Variants in SYNJ2 observed in about 807,000 individuals in gnomAD.
SYNJ2 encodes the protein synaptojanin 2.
A neutral mutation model predicts 141.3 loss-of-function variants in SYNJ2; 116 were observed. The ratio of observed to expected loss-of-function variants is 0.82; its 90% CI spans 0.71 to 0.96. The LOEUF is 0.96. SYNJ2 is among the 40% of genes least tolerant of loss of function. SYNJ2 has a pLI of 0.00. For synonymous variants in SYNJ2, 745 were observed against 777.7 expected (o/e 0.96, Z 0.70); for missense variants, 1,873 against 1,934.8 (o/e 0.97, Z 0.60).
intron 16 of SYNJ2, among the ~76,000 whole-genome samples, chr6:158,076,174 C>T (rs898293959): frequency 1.3e-5 from 2 of 152,094 alleles, no homozygotes; most frequent in East Asian, 3.9e-4. Flanking sequence ...AGCAAAAGAG[C>T]GAGACCCCAG....
chr6:158,058,788 C>G (rs1781026277), intron 6 of SYNJ2, among the ~76,000 whole-genome samples: 1 of 152,136 alleles, frequency 6.6e-6, no homozygotes, highest in African/African-American at 2.4e-5. Flanking sequence ...TAAAAATTAG[C>G]CAGATGTGGT....
rs1250554068 is a variant in SYNJ2, at chr6:158,069,557, T to C, written c.1824T>C (p.Gly608=). The C allele has an allele frequency of 3.7e-6, 6 of 1,613,718 alleles. No homozygotes were observed. Among genetic ancestry groups the C allele is most frequent in the Non-Finnish European group, 5.1e-6 (6 of 1,179,818 alleles). Residue 608 remains glycine, a synonymous_variant, in exon 14 of 27, where the codon GGT becomes GGC. Coordinates refer to ENST00000355585, the MANE Select transcript of SYNJ2 (RefSeq NM_003898.4). ...NASTTNKKMW[G]EQLQKAISRS... is the part of the protein sequence containing the mutation. ...GTACTACCAACAAGAAGATGTGGGGTGAACAGCTTCAGAAAGCCATCTCAC... is the reference window on the plus strand; with the variant it reads ...GTACTACCAACAAGAAGATGTGGGGCGAACAGCTTCAGAAAGCCATCTCAC...
At chr6:158,049,009 TTAA>T (rs1780409086) in intron 5 of SYNJ2, among the ~76,000 whole-genome samples, 1 of 152,002 alleles carries the variant, frequency 6.6e-6, no homozygotes, top group South Asian at 2.1e-4. Context: ...TTGGGTAACC[TTAA>T]GTCTGGTAGG....
intron 17 of SYNJ2, 46 bp from the exon 18 acceptor site, chr6:158,078,118 T>G: frequency 7.9e-7 from 1 of 1,273,854 alleles, no homozygotes; most frequent in Non-Finnish European, 1.1e-6. Flanking sequence ...TCTTGGATAT[T>G]GACTCGATTC....
rs781624441 is a variant in SYNJ2, at chr6:158,096,144, T to C, written c.4271T>C (p.Leu1424Pro). 4 of 1,614,222 alleles carry C rather than the reference T, an allele frequency of 2.5e-6. No individual in the cohort carries two copies. The Admixed American group carries it at 6.7e-5, about 27-fold the overall frequency. The change falls in exon 27 of 27, where the codon CTG becomes CCG. Residue 1424 changes from leucine to proline, a missense_variant. Leu to Pro is a moderately conservative substitution (Grantham distance 98, BLOSUM62 -3). Coordinates refer to ENST00000355585, the MANE Select transcript of SYNJ2 (RefSeq NM_003898.4). Reference sequence around the variant, plus strand: ...TGGAACCTTCTTCACCACCCTAAACTGTTGAATAACACTTGGCTTTCTAAG... The same window carrying C: ...TGGAACCTTCTTCACCACCCTAAACCGTTGAATAACACTTGGCTTTCTAAG... ...PFWNLLHHPK[L>P]LNNTWLSKSS... is the part of the protein sequence containing the mutation.
rs561244057 is a variant in SYNJ2, at chr6:158,048,420, G to A, written c.795+5021G>A. The stretch of plus-strand genomic sequence containing the variant: ...GAAGTCCTGGGCATGAAGGGAATGG[G>A]AGGAGAGATAGGAGAGGTGAGCAGG... On this transcript the variant is annotated intron_variant, in intron 5 of 26. Transcript: ENST00000355585. 2.9e-3 allele frequency among the ~76,000 whole-genome samples: 446 copies of A among 152,288 alleles called. 2 individuals carry two copies. Among genetic ancestry groups the A allele is most frequent in the Non-Finnish European group, 3.9e-3 (263 of 68,018 alleles).
chr6:158,039,694 C>T (rs1282296462), intron 4 of SYNJ2, among the ~76,000 whole-genome samples: 1 of 152,018 alleles, frequency 6.6e-6, no homozygotes, highest in Admixed American at 6.5e-5. Flanking sequence ...GGTAGCACAG[C>T]GTGGCCTCCC....
chr6:158,049,067 C>T (rs903454724), intron 5 of SYNJ2, among the ~76,000 whole-genome samples: 2 of 152,046 alleles, frequency 1.3e-5, no homozygotes, highest in Non-Finnish European at 2.9e-5. Context: ...TGTCTGCGAT[C>T]CTTGGGCCTC....
At chr6:158,019,426 T>A (rs1366375248) in intron 2 of SYNJ2, among the ~76,000 whole-genome samples, 2 of 152,216 alleles carry the variant, frequency 1.3e-5, no homozygotes, top group Non-Finnish European at 2.9e-5. Context: ...TTCCCAGGGC[T>A]GTGATCTAAG....
chr6:158,011,324 G>T (rs1303632980), intron 1 of SYNJ2, among the ~76,000 whole-genome samples: 1 of 152,142 alleles, frequency 6.6e-6, no homozygotes, highest in African/African-American at 2.4e-5. Flanking sequence ...CAGCTCTCTG[G>T]CCTCTGGACC....
rs768648013 is a variant in SYNJ2 at position 158,074,836 on chromosome 6, T to G, written c.2292+98T>G. The G allele has an allele frequency of 1.6e-5, 22 of 1,380,774 alleles. No homozygotes were observed. In the Admixed American group the frequency reaches 4.7e-4, roughly 30 times the overall value. 85.5% of individuals were successfully genotyped at this position (1,380,774 alleles called of 1,614,324 possible). A position where few individuals can be genotyped will look rare whatever the true frequency, so the allele number is the denominator to read the frequency against. ...GGTGCAGCAAATTCAGTTCCGTGAG[T>G]GGATTTCACTGTTTCCAACATTGTA... is the stretch of plus-strand genomic sequence containing the variant. On this transcript the variant is annotated intron_variant, in intron 16 of 26. Transcript: ENST00000355585.
chr6:158,090,475 T>A (rs1293522578), intron 25 of SYNJ2, among the ~76,000 whole-genome samples: 1 of 152,162 alleles, frequency 6.6e-6, no homozygotes, highest in Non-Finnish European at 1.5e-5. Context: ...ACTTTTAGTT[T>A]TGGCCTTGGC....
chr6:157,992,772 T>C (rs1777498973), intron 1 of SYNJ2, among the ~76,000 whole-genome samples: 1 of 152,148 alleles, frequency 6.6e-6, no homozygotes, highest in South Asian at 2.1e-4. Flanking sequence ...GATAACAGGA[T>C]CTCATTCTTT....
intron 12 of SYNJ2, 113 bp downstream of exon 12, chr6:158,066,748 T>C: frequency 8.1e-7 from 1 of 1,240,082 alleles, no homozygotes; most frequent in Non-Finnish European, 1.1e-6. Context: ...GTGTCTTCCC[T>C]CCTCACAATG....
intron 1 of SYNJ2, among the ~76,000 whole-genome samples, chr6:158,015,862 A>T (rs1419233026): frequency 6.6e-6 from 1 of 152,206 alleles, no homozygotes; most frequent in Non-Finnish European, 1.5e-5. Context: ...AGCTTTATTG[A>T]GATATAATTT....
intron 15 of SYNJ2, 22 bp from the exon 16 acceptor site, chr6:158,074,558 T>C (rs1173070326): frequency 9.3e-6 from 15 of 1,606,488 alleles, no homozygotes; most frequent in Non-Finnish European, 1.2e-5. Context: ...GCTGAATGAT[T>C]ATGATTTTCT....
intron 12 of SYNJ2, chr6:158,067,419 C>A: frequency 1.0e-6 from 1 of 984,054 alleles, no homozygotes; most frequent in Non-Finnish European, 1.2e-6. Context: ...AATTCATGTG[C>A]TATTTAGGAA....
chr6:158,076,636 A>G lies in SYNJ2; in HGVS notation c.2303A>G (p.Asp768Gly), dbSNP rs146014706. ...LQKSSGKIFK[D>G]FHEGAINFGP... ...TTTTTCTCCCAATAGATTTTTAAGG[A>G]CTTTCACGAAGGAGCCATTAACTTT... Residue 768 changes from aspartate (D) to glycine (G), a missense_variant, in exon 17 of 27, where the codon GAC (aspartate) becomes GGC (glycine). Physicochemically the swap from Asp to Gly is moderately conservative, Grantham distance 94. Coordinates refer to ENST00000355585, the MANE Select transcript of SYNJ2 (RefSeq NM_003898.4). 13 of 1,612,858 alleles carry G rather than the reference A, an allele frequency of 8.1e-6. No homozygotes were observed. The African/African-American group carries it at 1.6e-4, about 20-fold the overall frequency.
chr6:158,045,277 T>C (rs906457145), intron 5 of SYNJ2, among the ~76,000 whole-genome samples: 16 of 151,930 alleles, frequency 1.1e-4, no homozygotes, highest in African/African-American at 3.6e-4. Context: ...CCAGCTAATT[T>C]TGTTGTATTT....
Sources: gnomAD v4.1 joint callset for allele counts (sites outside exome capture counted in the v4.1 genomes callset) on GRCh38, gnomAD v4.1.1 for gene constraint, MANE v1.5 for transcripts, NCBI Gene and HGNC (gene_info 2026-07-23, HGNC 2026-07-21) for gene names.